Variants in NPC2 observed in about 807,000 individuals in gnomAD.
The protein encoded by NPC2 is NPC intracellular cholesterol transporter 2.
A neutral mutation model predicts 17.0 loss-of-function variants in NPC2; 14 were observed. The ratio of observed to expected loss-of-function variants is 0.82; its 90% CI spans 0.54 to 1.29. The LOEUF (loss-of-function observed/expected upper bound fraction) is 1.29, where lower values mean the gene tolerates loss of function less well. Among genes scored for constraint, NPC2 ranks in the 50% most tolerant of loss-of-function variants. The pLI, the probability that NPC2 is intolerant of heterozygous loss-of-function variation, is 0.00. For missense variants in NPC2, 167 were observed against 183.4 expected (o/e 0.91, Z 0.52); for synonymous variants, 75 against 69.3 (o/e 1.08, Z -0.41).
chr14:74,493,344 G>T, upstream of NPC2: 1 of 1,570,650 alleles, frequency 6.4e-7, no homozygotes. The surrounding 1 kb of genome is among the most constrained non-coding windows in gnomAD (Gnocchi z 4.1). Flanking sequence ...AAACCTGTCG[G>T]GGCGGGCCCG....
At chr14:74,481,798 CG>C (rs1046852171) in intron 3 of NPC2, among the ~76,000 whole-genome samples, 1 of 152,210 alleles carries the variant, frequency 6.6e-6, no homozygotes, top group Non-Finnish European at 1.5e-5. Context: ...ACTCATATCA[CG>C]TGAGTGGTCC....
chr14:74,481,886 C>G (rs1225519291), intron 3 of NPC2, among the ~76,000 whole-genome samples: 2 of 152,240 alleles, frequency 1.3e-5, no homozygotes, highest in African/African-American at 2.4e-5. Context: ...TCACTAGTTA[C>G]TACCTCTCTT....
At chr14:74,485,255 A>G (rs1452197722) in intron 2 of NPC2, among the ~76,000 whole-genome samples, 1 of 129,734 alleles carries the variant, frequency 7.7e-6, no homozygotes, top group Non-Finnish European at 1.6e-5. Flanking sequence ...AGATTGCGCC[A>G]CTGCACTCCA....
At chr14:74,481,010 A>C (rs977872590) in intron 3 of NPC2, among the ~76,000 whole-genome samples, 1 of 152,256 alleles carries the variant, frequency 6.6e-6, no homozygotes, top group African/African-American at 2.4e-5. Context: ...TAACTTGGTT[A>C]ATTTATCAAA....
At chr14:74,489,607 T>A (rs958977427) in intron 1 of NPC2, among the ~76,000 whole-genome samples, 1 of 152,204 alleles carries the variant, frequency 6.6e-6, no homozygotes, top group Admixed American at 6.5e-5. Context: ...CAAAAGTACT[T>A]GTATACAATA....
chr14:74,483,814 A>G (rs1170337385), intron 3 of NPC2, among the ~76,000 whole-genome samples: 1 of 152,232 alleles, frequency 6.6e-6, no homozygotes, highest in African/African-American at 2.4e-5. Context: ...TAATCAAATG[A>G]TTTCATATTG....
chr14:74,487,061 C>G (rs761827304), intron 1 of NPC2, among the ~76,000 whole-genome samples: 1 of 151,896 alleles, frequency 6.6e-6, no homozygotes, highest in African/African-American at 2.4e-5. Context: ...AAACCATTCC[C>G]TGCCTCAGCC....
At chr14:74,485,318 A>G (rs1018784983) in intron 2 of NPC2, among the ~76,000 whole-genome samples, 7 of 141,700 alleles carry the variant, frequency 4.9e-5, no homozygotes, top group South Asian at 2.3e-4. Flanking sequence ...AAAAAAAAAA[A>G]AAAAAAGAAA....
chr14:74,484,317 A>T, intron 3 of NPC2, 98 bp downstream of exon 3: 1 of 1,247,544 alleles, frequency 8.0e-7, no homozygotes, highest in Non-Finnish European at 1.2e-6. Flanking sequence ...CATAGAGATA[A>T]GGGGCCCTTT....
At chr14:74,487,503 GCA>G in intron 1 of NPC2, among the ~76,000 whole-genome samples, 1 of 152,140 alleles carries the variant, frequency 6.6e-6, no homozygotes, top group Non-Finnish European at 1.5e-5. Flanking sequence ...CTAGGCTCAA[GCA>G]ATTTGCCCAC....
intron 3 of NPC2, chr14:74,483,162 A>T (rs1043022785): frequency 2.8e-5 from 24 of 849,472 alleles, no homozygotes; most frequent in South Asian, 1.4e-4. Flanking sequence ...GGCAATTTAC[A>T]GCAATGAGGG....
chr14:74,480,699 T>G lies in NPC2; in HGVS notation c.441+3A>C. The stretch of plus-strand genomic sequence containing the variant: ...ATGCCCTCTCACCCCCAGATAGACT[T>G]ACGATCTGTACTGGGATTTCCCAGC... On this transcript the variant is annotated splice_donor_region_variant and intron_variant, in intron 4 of 4. Transcript: ENST00000555619. The G allele has an allele frequency of 3.1e-6, 5 of 1,612,934 alleles. No homozygotes were observed. The highest frequency in any genetic ancestry group is 3.4e-6 in the Non-Finnish European group (4 of 1,178,896).
chr14:74,480,321 G>A, intron 4 of NPC2, 33 bp from the exon 5 acceptor site: 1 of 1,581,704 alleles, frequency 6.3e-7, no homozygotes, highest in Non-Finnish European at 8.7e-7. Flanking sequence ...CAGTGGAAGT[G>A]GTTTGGAACC....
chr14:74,490,372 G>A (rs1405960873), intron 1 of NPC2, among the ~76,000 whole-genome samples: 1 of 152,102 alleles, frequency 6.6e-6, no homozygotes, highest in Non-Finnish European at 1.5e-5. Context: ...CTCCATCATT[G>A]CAAAGTTCTT....
At chr14:74,490,533 A>G (rs1481291961) in intron 1 of NPC2, among the ~76,000 whole-genome samples, 1 of 152,248 alleles carries the variant, frequency 6.6e-6, no homozygotes, top group East Asian at 1.9e-4. Context: ...TTCAATGTCC[A>G]GCTTCCACCT....
intron 4 of NPC2, 117 bp downstream of exon 4, chr14:74,480,585 G>T (rs759628386): frequency 1.1e-6 from 1 of 885,920 alleles, no homozygotes; most frequent in Non-Finnish European, 1.9e-6. Flanking sequence ...AGGTTGAGAG[G>T]CATAAAACAG....
chr14:74,493,500 A>ACCCGCCCGGACCCACCTCCGC, upstream of NPC2: 1 of 945,780 alleles, frequency 1.1e-6, no homozygotes, highest in Non-Finnish European at 1.6e-6. This position sits in a 1 kb window ranked among gnomAD's most constrained non-coding sequence, Gnocchi z 4.1. Context: ...CAGAGGCCTG[A>ACCCGCCCGGACCCACCTCCGC]CCCGCCCGGA....
intron 2 of NPC2, among the ~76,000 whole-genome samples, chr14:74,485,715 A>T (rs1224034093): frequency 1.3e-5 from 2 of 152,214 alleles, no homozygotes; most frequent in Non-Finnish European, 2.9e-5. Flanking sequence ...CCTGCTTAGT[A>T]ATAAAAGATT....
At position 74,480,714 on chromosome 14, in the gene NPC2, G is replaced by T. The variant is rs528199992; in HGVS notation, c.429C>A (p.Ile143=). ...DKNQSLFCWE[I]PVQIVSHL ...CAGATAGACTTACGATCTGTACTGG[G>T]ATTTCCCAGCAGAAGAGACTTTGGT... is the stretch of plus-strand genomic sequence containing the variant. The change falls in exon 4 of 5, where the codon ATC becomes ATA. Residue 143 remains isoleucine, a synonymous_variant. Coordinates refer to ENST00000555619, the MANE Select transcript of NPC2 (RefSeq NM_006432.5). 2 of 1,613,836 alleles carry T rather than the reference G, an allele frequency of 1.2e-6. No homozygotes were observed. The highest frequency in any genetic ancestry group is 3.3e-5 in the Admixed American group (2 of 60,016).
Sources: allele counts gnomAD v4.1 joint callset (sites outside exome capture counted in the v4.1 genomes callset), GRCh38; gene constraint gnomAD v4.1.1; non-coding constraint Gnocchi (gnomAD v3.1); transcripts MANE v1.5; gene names NCBI Gene and HGNC (gene_info 2026-07-23, HGNC 2026-07-21).